SNX8: variants seen among roughly 807,000 people sequenced by gnomAD.
The protein encoded by SNX8 is sorting nexin-8.
A neutral mutation model predicts 51.6 loss-of-function variants in SNX8; 25 were observed. The ratio of observed to expected loss-of-function variants is 0.48; its 90% CI spans 0.35 to 0.68. The LOEUF (loss-of-function observed/expected upper bound fraction) is 0.68, where lower values mean the gene tolerates loss of function less well. Among genes scored for constraint, SNX8 ranks in the 30% least tolerant of loss-of-function variants. The pLI is 0.00. For missense variants in SNX8, 695 were observed against 624.0 expected (o/e 1.11, Z -1.21); for synonymous variants, 324 against 277.0 (o/e 1.17, Z -1.68).
chr7:2,275,826 G>A (rs974553790), intron 2 of SNX8, among the ~76,000 whole-genome samples: 3 of 150,702 alleles, frequency 2.0e-5, no homozygotes, highest in Non-Finnish European at 3.0e-5. Flanking sequence ...GTGAAACCTC[G>A]TCTCTACTAA....
At chr7:2,274,092 CCCAGGCCTGAG>C (rs1431679940) in intron 3 of SNX8, among the ~76,000 whole-genome samples, 7 of 152,224 alleles carry the variant, frequency 4.6e-5, no homozygotes, top group Non-Finnish European at 8.8e-5. Context: ...AACTCGGATG[CCCAGGCCTGAG>C]CCAGCATCAC....
At chr7:2,327,656 C>T (rs1778648948) in intron 1 of SNX8, among the ~76,000 whole-genome samples, 1 of 151,272 alleles carries the variant, frequency 6.6e-6, no homozygotes, top group Admixed American at 6.6e-5. Flanking sequence ...ATCCGCCCGC[C>T]TCGGCCTCCC....
intron 1 of SNX8, among the ~76,000 whole-genome samples, chr7:2,349,927 C>G (rs1779106262): frequency 6.6e-6 from 1 of 152,080 alleles, no homozygotes; most frequent in Non-Finnish European, 1.5e-5. Flanking sequence ...AGGTCAGAGT[C>G]TCAGTCCTCT....
chr7:2,341,217 G>C (rs889699931), intron 1 of SNX8, among the ~76,000 whole-genome samples: 31 of 151,268 alleles, frequency 2.0e-4, no homozygotes, highest in Non-Finnish European at 4.4e-5. Context: ...AAAGAAAAAA[G>C]AAAATAAATA....
At chr7:2,350,361 C>T (rs1459316185) in intron 1 of SNX8, among the ~76,000 whole-genome samples, 1 of 152,070 alleles carries the variant, frequency 6.6e-6, no homozygotes, top group Admixed American at 6.6e-5. Context: ...GGCCGTGTGG[C>T]GGAACATTTT....
intron 1 of SNX8, among the ~76,000 whole-genome samples, chr7:2,293,966 C>CA (rs147695305): frequency 0.049 from 6,804 of 138,088 alleles, 265 homozygotes; most frequent in African/African-American, 0.11. Flanking sequence ...AACTCTGTCT[C>CA]AAAAAAAAAA....
Position 2,314,395 on chromosome 7 carries a change from C to G in SNX8, c.27G>C (p.Leu9=), listed in dbSNP as rs987796754. MTGRAMDP[L]PAAAVGAAAE... Reference sequence around the variant, plus strand: ...CTGCCGCCCCGACTGCAGCCGCGGGCAGCGGGTCCATCGCGCGGCCAGTCA... The same window carrying G: ...CTGCCGCCCCGACTGCAGCCGCGGGGAGCGGGTCCATCGCGCGGCCAGTCA... Residue 9 remains leucine (L), a synonymous_variant, in exon 1 of 11, where the codon CTG becomes CTC. Transcript: ENST00000222990. 8.2e-7 allele frequency: 1 copy of G among 1,220,344 alleles called. No individual in the cohort carries two copies. The highest frequency in any genetic ancestry group is 1.0e-6 in the Non-Finnish European group (1 of 980,240). The allele number at this position is 1,220,344 out of a possible 1,614,324, so 75.6% of individuals were successfully genotyped here.
intron 1 of SNX8, among the ~76,000 whole-genome samples, chr7:2,350,204 T>C (rs951224498): frequency 6.6e-6 from 1 of 152,112 alleles, no homozygotes; most frequent in African/African-American, 2.4e-5. Flanking sequence ...CTACATTATC[T>C]CATCCAAACT....
chr7:2,353,579 G>T (rs1248580310), intron 1 of SNX8, among the ~76,000 whole-genome samples: 1 of 151,906 alleles, frequency 6.6e-6, no homozygotes, highest in South Asian at 2.1e-4. Flanking sequence ...ACCGCGCAGG[G>T]CCTAGCCATT....
chr7:2,350,037 G>A (rs888934387), intron 1 of SNX8, among the ~76,000 whole-genome samples: 11 of 152,192 alleles, frequency 7.2e-5, no homozygotes, highest in Admixed American at 2.0e-4. Context: ...TCTACCACCC[G>A]GTTCATGGCT....
chr7:2,313,863 C>G (rs1796708209), intron 1 of SNX8, among the ~76,000 whole-genome samples: 1 of 152,134 alleles, frequency 6.6e-6, no homozygotes, highest in South Asian at 2.1e-4. Flanking sequence ...AAATTACTGG[C>G]CCAAGACCAC....
chr7:2,347,359 T>G (rs2115250922), intron 1 of SNX8, among the ~76,000 whole-genome samples: 1 of 151,194 alleles, frequency 6.6e-6, no homozygotes, highest in East Asian at 2.0e-4. Flanking sequence ...TGGGCGCCTG[T>G]AGTCCTCAAT....
intron 1 of SNX8, among the ~76,000 whole-genome samples, chr7:2,289,809 G>A (rs527891658): frequency 6.3e-4 from 96 of 152,312 alleles, no homozygotes; most frequent in African/African-American, 2.1e-3. Context: ...TATAGTCCCA[G>A]CTATTCGGGA....
At chr7:2,306,027 C>A (rs961246574) in intron 1 of SNX8, among the ~76,000 whole-genome samples, 2 of 152,176 alleles carry the variant, frequency 1.3e-5, no homozygotes, top group Admixed American at 6.5e-5. Context: ...CTAATTGGTA[C>A]GGCATCTTCC....
intron 1 of SNX8, among the ~76,000 whole-genome samples, chr7:2,300,941 C>A (rs1796376389): frequency 1.3e-5 from 2 of 152,142 alleles, no homozygotes; most frequent in Non-Finnish European, 2.9e-5. Flanking sequence ...CTGTGCCCAG[C>A]CCCTGTTGTG....
chr7:2,300,891 C>T (rs1187081103), intron 1 of SNX8, among the ~76,000 whole-genome samples: 1 of 152,152 alleles, frequency 6.6e-6, no homozygotes, highest in Non-Finnish European at 1.5e-5. Context: ...GATCTGTCTA[C>T]CTTGGCCTCC....
Position 2,255,080 on chromosome 7 carries a change from C to T in SNX8, c.1374G>A (p.Pro458=), listed in dbSNP as rs752477344. The change falls in exon 11 of 11, where the codon CCG becomes CCA. Residue 458 remains proline (P), a synonymous_variant. Transcript: ENST00000222990. Reference sequence around the variant, plus strand: ...GCTAGTGAGGACACAGGCCGTCCTCCGGCGGGGAGCACGGTGGGGTCAGGG... The same window carrying T: ...GCTAGTGAGGACACAGGCCGTCCTCTGGCGGGGAGCACGGTGGGGTCAGGG... The part of the protein sequence containing the change: ...HSTLTPPCSP[P]EDGLCPH 85 of 1,576,250 alleles carry T rather than the reference C, an allele frequency of 5.4e-5. 1 individual carries two copies. The Middle Eastern group carries it at 4.2e-3, about 77-fold the overall frequency.
intron 5 of SNX8, among the ~76,000 whole-genome samples, chr7:2,265,009 T>C (rs1334283087): frequency 3.9e-5 from 6 of 152,112 alleles, no homozygotes; most frequent in Non-Finnish European, 7.4e-5. Context: ...CACTCCAGTT[T>C]GGGCGACAGA....
At chr7:2,290,550 T>C (rs1048668309) in intron 1 of SNX8, among the ~76,000 whole-genome samples, 3 of 152,172 alleles carry the variant, frequency 2.0e-5, no homozygotes, top group African/African-American at 4.8e-5. Flanking sequence ...CAGCACATAA[T>C]AGATGCTAAA....
Sources: allele counts gnomAD v4.1 joint callset (sites outside exome capture counted in the v4.1 genomes callset), GRCh38; gene constraint gnomAD v4.1.1; transcripts MANE v1.5; gene names NCBI Gene and HGNC (gene_info 2026-07-23, HGNC 2026-07-21).